DAB1: variants seen among roughly 807,000 people sequenced by gnomAD.
DAB1 encodes disabled homolog 1.
Under a neutral mutation model 64.6 loss-of-function variants are expected in DAB1, and 15 were observed. The observed-to-expected ratio is 0.23, with a 90% CI of 0.16 to 0.36. The LOEUF (loss-of-function observed/expected upper bound fraction) is 0.36, where lower values mean the gene tolerates loss of function less well. Among genes scored for constraint, DAB1 ranks in the 10% least tolerant of loss-of-function variants. The pLI, the probability that DAB1 is intolerant of heterozygous loss-of-function variation, is 1.00. For missense variants in DAB1, 596 were observed against 706.7 expected, an observed-to-expected ratio of 0.84 and a Z score of 1.78; for synonymous variants, 235 against 251.9, an observed-to-expected ratio of 0.93 and a Z score of 0.64.
At chr1:58,467,017 TAC>T (rs1273098412) in intron 3 of DAB1, among the ~76,000 whole-genome samples, 1 of 152,192 alleles carries the variant, frequency 6.6e-6, no homozygotes, top group Non-Finnish European at 1.5e-5. Flanking sequence ...GTGATGCAGA[TAC>T]AGTGCCTGGA....
At chr1:57,657,458 G>T (rs1570711981) in intron 6 of DAB1, among the ~76,000 whole-genome samples, 1 of 152,142 alleles carries the variant, frequency 6.6e-6, no homozygotes, top group Non-Finnish European at 1.5e-5. Context: ...CCATTGCAGG[G>T]TGTCACTGAC....
intron 3 of DAB1, among the ~76,000 whole-genome samples, chr1:58,407,219 C>T (rs1275945586): frequency 1.3e-5 from 2 of 152,150 alleles, no homozygotes; most frequent in Non-Finnish European, 2.9e-5. Context: ...TGTCAGATTT[C>T]TGTGCTGCAG....
intron 7 of DAB1, among the ~76,000 whole-genome samples, chr1:57,528,919 A>T (rs1038369178): frequency 6.6e-6 from 1 of 151,986 alleles, no homozygotes; most frequent in Admixed American, 6.6e-5. Context: ...GAAATGCTAA[A>T]GTTAAGTTAT....
At chr1:58,539,060 T>C (rs11548224) in intron 1 of DAB1, 1 of 872,980 alleles carries the variant, frequency 1.1e-6, no homozygotes, top group South Asian at 1.3e-5. Flanking sequence ...AGGCCTCCTG[T>C]TCTTTTGTTG....
intron 5 of DAB1, among the ~76,000 whole-genome samples, chr1:58,149,358 G>T (rs1298259439): frequency 1.3e-5 from 2 of 152,142 alleles, no homozygotes; most frequent in Non-Finnish European, 2.9e-5. Context: ...ACTATCTATG[G>T]AAAGAAGGAA....
At chr1:58,020,216 A>G (rs1017503457) in intron 5 of DAB1, among the ~76,000 whole-genome samples, 6 of 152,220 alleles carry the variant, frequency 3.9e-5, no homozygotes, top group African/African-American at 1.4e-4. Context: ...CCCAGGCAAC[A>G]TTAAGCTAGG....
At chr1:58,335,634 A>T (rs1224915644) in intron 4 of DAB1, among the ~76,000 whole-genome samples, 1 of 152,070 alleles carries the variant, frequency 6.6e-6, no homozygotes, top group Non-Finnish European at 1.5e-5. Context: ...CTAGCCATGC[A>T]AGGGATTGGT....
intron 1 of DAB1, among the ~76,000 whole-genome samples, chr1:57,417,529 T>C (rs1253584969): frequency 1.3e-5 from 2 of 152,216 alleles, no homozygotes; most frequent in Non-Finnish European, 2.9e-5. Flanking sequence ...AAAGGTTCTA[T>C]GGCAAATGAA....
intron 6 of DAB1, among the ~76,000 whole-genome samples, chr1:57,724,909 T>C (rs1647191272): frequency 6.6e-6 from 1 of 152,212 alleles, no homozygotes; most frequent in Non-Finnish European, 1.5e-5. Flanking sequence ...CATTAAATGA[T>C]GAAGGAATCA....
chr1:57,752,001 G>A (rs1234154105), intron 6 of DAB1, among the ~76,000 whole-genome samples: 2 of 152,168 alleles, frequency 1.3e-5, no homozygotes, highest in African/African-American at 2.4e-5. Context: ...AAGAAGCTTC[G>A]CAATGAAGTC....
intron 2 of DAB1, among the ~76,000 whole-genome samples, chr1:57,219,006 C>G (rs1197415918): frequency 1.3e-5 from 2 of 152,134 alleles, no homozygotes; most frequent in Non-Finnish European, 2.9e-5. Context: ...CATTCTTGAT[C>G]TGTAAATAAT....
At chr1:57,945,069 C>T (rs1345215150) in intron 5 of DAB1, among the ~76,000 whole-genome samples, 2 of 152,018 alleles carry the variant, frequency 1.3e-5, no homozygotes, top group African/African-American at 2.4e-5. Flanking sequence ...TGTGTTGGTC[C>T]CTCCCAATCA....
intron 3 of DAB1, among the ~76,000 whole-genome samples, chr1:58,450,079 C>T (rs1024462916): frequency 6.6e-6 from 1 of 152,130 alleles, no homozygotes; most frequent in Non-Finnish European, 1.5e-5. Context: ...TTTCTGGTTC[C>T]AATCAAGATG....
chr1:57,636,216 C>T (rs1646055558), intron 7 of DAB1, among the ~76,000 whole-genome samples: 1 of 151,988 alleles, frequency 6.6e-6, no homozygotes, highest in Non-Finnish European at 1.5e-5. Flanking sequence ...CGTGAAGCTA[C>T]AGTGAGAAGG....
chr1:57,297,160 TA>T (rs1356328136), intron 1 of DAB1, among the ~76,000 whole-genome samples: 1 of 151,936 alleles, frequency 6.6e-6, no homozygotes, highest in Non-Finnish European at 1.5e-5. Context: ...GAAAATGTAA[TA>T]AAAGACAAAG....
At chr1:57,967,018 A>G (rs112169404) in intron 5 of DAB1, among the ~76,000 whole-genome samples, 2,030 of 152,308 alleles carry the variant, frequency 0.013, 27 homozygotes, top group Middle Eastern at 0.041. Flanking sequence ...AATAAAATAA[A>G]TTTTTTAAAT....
intron 6 of DAB1, among the ~76,000 whole-genome samples, chr1:57,767,546 A>G (rs1649368589): frequency 6.6e-6 from 1 of 152,126 alleles, no homozygotes; most frequent in South Asian, 2.1e-4. Context: ...CAAACCATCA[A>G]TTGATTCTTC....
intron 9 of DAB1, among the ~76,000 whole-genome samples, chr1:57,031,525 T>C (rs1395719669): frequency 6.6e-6 from 1 of 152,244 alleles, no homozygotes; most frequent in Non-Finnish European, 1.5e-5. Context: ...ATAGGCGCCA[T>C]TGTCACTATC....
chr1:58,275,121 T>C, intron 4 of DAB1, among the ~76,000 whole-genome samples: 1 of 152,202 alleles, frequency 6.6e-6, no homozygotes, highest in Non-Finnish European at 1.5e-5. Context: ...GAAAATTGGA[T>C]GTCCACATAT....
Sources: gnomAD v4.1 joint callset for allele counts (sites outside exome capture counted in the v4.1 genomes callset) on GRCh38, gnomAD v4.1.1 for gene constraint, MANE v1.5 for transcripts, NCBI Gene and HGNC (gene_info 2026-07-23, HGNC 2026-07-21) for gene names.